Variants in CERS4 observed in about 807,000 individuals in gnomAD.
CERS4 encodes ceramide synthase 4.
CERS4 carries 65 observed loss-of-function variants against 51.8 expected under a neutral mutation model. The ratio of observed to expected loss-of-function variants is 1.26; its 90% CI spans 1.03 to 1.54. The LOEUF is 1.54. Ranked by LOEUF, CERS4 falls within the 40% of genes most tolerant of loss-of-function variation. CERS4 has a pLI of 0.00. For synonymous variants in CERS4, 228 were observed against 208.4 expected (o/e 1.09, Z -0.81); for missense variants, 563 against 500.4 (o/e 1.13, Z -1.19).
At chr19:8,254,667 C>T (rs374331899) in intron 4 of CERS4, 51 bp downstream of exon 4, 35 of 1,498,732 alleles carry the variant, frequency 2.3e-5, no homozygotes, top group Middle Eastern at 2.3e-4. Context: ...GGGGGTGGGG[C>T]GTGGGGATGG....
At position 8,219,982 on chromosome 19, in the gene CERS4, T is replaced by C. The variant is rs1171405405; in HGVS notation, c.-2+9120T>C. On this transcript the variant is annotated intron_variant, in intron 2 of 11. Transcript: ENST00000251363. Reference sequence around the variant, plus strand: ...TGGGCAACAGAGTGGAATCCTGTTGTCTCTTAAAAAAAAAAAATTTGTTAA... The same window carrying C: ...TGGGCAACAGAGTGGAATCCTGTTGCCTCTTAAAAAAAAAAAATTTGTTAA... Among the ~76,000 whole-genome samples the C allele has an allele frequency of 7.2e-5, 4 of 55,936 alleles. No homozygotes were observed. In the East Asian group the frequency reaches 1.2e-3, roughly 17 times the overall value. The allele number at this position is 55,936 out of a possible 152,430, so 36.7% of individuals were successfully genotyped here. A position where few individuals can be genotyped will look rare whatever the true frequency, so the allele number is the denominator to read the frequency against.
At chr19:8,250,279 C>T (rs972514612) in intron 2 of CERS4, among the ~76,000 whole-genome samples, 12 of 152,038 alleles carry the variant, frequency 7.9e-5, no homozygotes, top group African/African-American at 2.9e-4. Flanking sequence ...CCGGCCACGA[C>T]TCAAGTTTCT....
intron 2 of CERS4, 170 bp from the exon 3 acceptor site, chr19:8,250,905 AG>A: frequency 5.6e-6 from 8 of 1,440,176 alleles, no homozygotes; most frequent in South Asian, 3.2e-5. Flanking sequence ...ACCAGAGGAC[AG>A]TTCCAAAGTC....
chr19:8,256,057 C>A, intron 6 of CERS4, 178 bp downstream of exon 6: 1 of 943,930 alleles, frequency 1.1e-6, no homozygotes, highest in Non-Finnish European at 1.6e-6. Flanking sequence ...TTACTATGCA[C>A]CAAAAGTTGG....
At position 8,262,132 on chromosome 19, in the gene CERS4, G is replaced by T. The variant is rs1403375364; in HGVS notation, c.*23G>T. ...TAGCCGGGCGGGGCTGGCTGTAAGG[G>T]GTTGCCCCCCCGCCAGTGCCTTGGA... On this transcript the variant is annotated 3_prime_UTR_variant, in exon 12 of 12. Transcript: ENST00000251363. The T allele has an allele frequency of 7.7e-6, 11 of 1,436,070 alleles. No individual in the cohort carries two copies. Among genetic ancestry groups the T allele is most frequent in the Non-Finnish European group, 1.0e-5 (11 of 1,097,102 alleles). 89.0% of individuals were successfully genotyped at this position (1,436,070 alleles called of 1,614,324 possible).
At chr19:8,251,477 TGCCTGCA>T (rs1252709493) in intron 3 of CERS4, among the ~76,000 whole-genome samples, 1 of 152,334 alleles carries the variant, frequency 6.6e-6, no homozygotes, top group Non-Finnish European at 1.5e-5. Flanking sequence ...AACACTGCAC[TGCCTGCA>T]GCCTGCAGCT....
Position 8,245,125 on chromosome 19 carries a change from A to AACAAAAAAAACAAAAAAAAACAAAC in CERS4, c.-1-5950_-1-5949insCAAAAAAAACAAAAAAAAACAAACA, listed in dbSNP as rs1555777253. On this transcript the variant is annotated intron_variant, in intron 2 of 11. Transcript: ENST00000251363. ...AGACTCCATCTCAAAAAAAAAAAAA[A>AACAAAAAAAACAAAAAAAAACAAAC]AAAAAAAAAACACTCTTGGCTTCAA... Among the ~76,000 whole-genome samples, 304 of 150,932 alleles carry AACAAAAAAAACAAAAAAAAACAAAC rather than the reference A, an allele frequency of 2.0e-3. 3 individuals carry two copies. The highest frequency in any genetic ancestry group is 7.0e-3 in the African/African-American group (287 of 41,172).
At chr19:8,242,810 A>C (rs2967623) in intron 2 of CERS4, among the ~76,000 whole-genome samples, 1 of 151,962 alleles carries the variant, frequency 6.6e-6, no homozygotes, top group African/African-American at 2.4e-5. Flanking sequence ...TCAGTCAGTA[A>C]ACTGGTGGGC....
chr19:8,256,067 G>C (rs566623215), intron 6 of CERS4, 169 bp from the exon 7 acceptor site: 135 of 934,056 alleles, frequency 1.4e-4, no homozygotes, highest in Non-Finnish European at 4.2e-5. Context: ...CCAAAAGTTG[G>C]GGTTCTGCAG....
At chr19:8,236,551 C>A (rs1055107565) in intron 2 of CERS4, among the ~76,000 whole-genome samples, 1 of 151,158 alleles carries the variant, frequency 6.6e-6, no homozygotes, top group Non-Finnish European at 1.5e-5. Context: ...TGGTGGCACC[C>A]GCCTGTAGTC....
chr19:8,222,204 G>A (rs1373922967), intron 2 of CERS4: 1 of 150,978 alleles, frequency 6.6e-6, no homozygotes, highest in East Asian at 2.0e-4. Context: ...TTGAGATGGA[G>A]TCTCGCTCTG....
Position 8,262,250 on chromosome 19 carries a change from T to C in CERS4, c.*141T>C. On this transcript the variant is annotated 3_prime_UTR_variant, in exon 12 of 12. Coordinates refer to ENST00000251363, the MANE Select transcript of CERS4 (RefSeq NM_024552.3). The stretch of plus-strand genomic sequence containing the variant: ...GGTGGGTGGGAAGGCTGATGATCTG[T>C]CTCCAGCCCCTTCCTTCTGCCCACC... 1.1e-6 allele frequency: 1 copy of C among 873,324 alleles called. No individual in the cohort carries two copies. Among genetic ancestry groups the C allele is most frequent in the Non-Finnish European group, 1.6e-6 (1 of 629,322 alleles). 54.1% of individuals were successfully genotyped at this position (873,324 alleles called of 1,614,324 possible).
At chr19:8,227,757 A>G (rs773347356) in intron 2 of CERS4, among the ~76,000 whole-genome samples, 3 of 152,156 alleles carry the variant, frequency 2.0e-5, no homozygotes, top group Admixed American at 6.6e-5. Flanking sequence ...TTCCACTTAC[A>G]TGAGGCCCCT....
intron 2 of CERS4, 100 bp from the exon 3 acceptor site, chr19:8,250,976 G>C (rs1969047124): frequency 5.4e-6 from 8 of 1,481,924 alleles, no homozygotes; most frequent in East Asian, 2.5e-5. Context: ...GCGCTGATAG[G>C]GGCCCGAGTA....
At chr19:8,256,063 G>A in intron 6 of CERS4, 173 bp from the exon 7 acceptor site, 1 of 943,690 alleles carries the variant, frequency 1.1e-6, no homozygotes, top group Non-Finnish European at 1.6e-6. Flanking sequence ...TGCACCAAAA[G>A]TTGGGGTTCT....
intron 3 of CERS4, among the ~76,000 whole-genome samples, chr19:8,252,369 T>TAAAA (rs57107362): frequency 1.7e-4 from 25 of 144,440 alleles, no homozygotes; most frequent in African/African-American, 6.4e-4. Flanking sequence ...AAACTCCATC[T>TAAAA]AAAAAAAAAA....
intron 2 of CERS4, among the ~76,000 whole-genome samples, chr19:8,229,250 AGGAAGT>A (rs1402552279): frequency 6.6e-6 from 1 of 152,268 alleles, no homozygotes; most frequent in East Asian, 1.9e-4. Flanking sequence ...ACCTGAGCCC[AGGAAGT>A]GGAGGCTGCA....
At chr19:8,233,183 G>T (rs1331844681) in intron 2 of CERS4, among the ~76,000 whole-genome samples, 1 of 150,588 alleles carries the variant, frequency 6.6e-6, no homozygotes, top group Non-Finnish European at 1.5e-5. Flanking sequence ...TTTTTTTTTG[G>T]GGGGCGGAGT....
At chr19:8,250,442 C>T (rs62126448) in intron 2 of CERS4, 6,902 of 152,624 alleles carry the variant, frequency 0.045, 245 homozygotes, top group Admixed American at 0.078. Flanking sequence ...GTATTACTGT[C>T]TCTGTTTTTT....
Sources: gnomAD v4.1 joint callset for allele counts (sites outside exome capture counted in the v4.1 genomes callset) on GRCh38, gnomAD v4.1.1 for gene constraint, MANE v1.5 for transcripts, NCBI Gene and HGNC (gene_info 2026-07-23, HGNC 2026-07-21) for gene names.